Variants in BGN observed in about 807,000 individuals in gnomAD.
The protein encoded by BGN is bone/cartilage proteoglycan-I.
BGN carries 6 observed loss-of-function variants against 20.0 expected under a neutral mutation model. The ratio of observed to expected loss-of-function variants is 0.30; its 90% CI spans 0.16 to 0.59. The LOEUF is 0.59. BGN is among the 20% of genes least tolerant of loss of function. The probability of loss-of-function intolerance (pLI) is 0.88; values close to 1 mark genes in which losing one functional copy is unlikely to be tolerated. For missense variants in BGN, 292 were observed against 312.1 expected, an observed-to-expected ratio of 0.94 and a Z score of 0.49; for synonymous variants, 146 against 134.6, an observed-to-expected ratio of 1.08 and a Z score of -0.59.
In BGN at chrX:153,509,064, TGTGTGTGTGTGTG is replaced by T. The variant is rs2089825864; in HGVS notation, c.*620_*632del. On this transcript the variant is annotated 3_prime_UTR_variant, in exon 8 of 8. Transcript: ENST00000331595. ...CTCTCTCTCTCTCTCTCTCTTTCTG[TGTGTGTGTGTGTG>T]TGTGTGTGTGTGTGTGTGTGTGTGT... 7.1e-5 allele frequency: 2 copies of T among 28,253 alleles called. No homozygotes were observed. The highest frequency in any genetic ancestry group is 1.5e-4 in the Non-Finnish European group (2 of 13,597). 2.3% of individuals were successfully genotyped at this position (28,253 alleles called of 1,213,427 possible).
intron 4 of BGN, 108 bp from the exon 5 acceptor site, chrX:153,506,421 G>A (rs1314227669): frequency 1.3e-5 from 9 of 705,292 alleles, no homozygotes; most frequent in South Asian, 5.1e-5. Context: ...TTCAGGAGAC[G>A]GGAGCAGCCG....
chrX:153,508,872 C>T lies in BGN; in HGVS notation c.*427C>T, dbSNP rs1556993946. On this transcript the variant is annotated 3_prime_UTR_variant, in exon 8 of 8. Coordinates refer to ENST00000331595, the MANE Select transcript of BGN (RefSeq NM_001711.6). ...CCGCACCTGTCCAGACACACATGTTCTGTTCCTCCTCCTCATGCATTTCCA... is the reference window on the plus strand; with the variant it reads ...CCGCACCTGTCCAGACACACATGTTTTGTTCCTCCTCCTCATGCATTTCCA... 5.7e-6 allele frequency: 1 copy of T among 176,405 alleles called. No homozygotes were observed. The highest frequency in any genetic ancestry group is 3.1e-5 in the African/African-American group (1 of 32,129). The allele number at this position is 176,405 out of a possible 1,213,427, so 14.5% of individuals were successfully genotyped here. A position where few individuals can be genotyped will look rare whatever the true frequency, so the allele number is the denominator to read the frequency against.
intron 1 of BGN, among the ~76,000 whole-genome samples, chrX:153,501,803 G>A (rs1290627112): frequency 8.9e-6 from 1 of 112,447 alleles, no homozygotes; most frequent in East Asian, 2.8e-4. Flanking sequence ...TCTGTCACGG[G>A]GCCCGGGTGT....
chrX:153,495,814 C>G (rs2089709374), intron 1 of BGN, among the ~76,000 whole-genome samples: 2 of 113,243 alleles, frequency 1.8e-5, no homozygotes, highest in South Asian at 7.2e-4. Flanking sequence ...GCTGCAAGGG[C>G]CCTGACTGGG....
At chrX:153,500,088 C>T (rs1339647620) in intron 1 of BGN, among the ~76,000 whole-genome samples, 4 of 113,307 alleles carry the variant, frequency 3.5e-5, no homozygotes, top group Non-Finnish European at 5.6e-5. Flanking sequence ...GCCCTGCTCC[C>T]GCCGCCCTTG....
Position 153,506,597 on chromosome X carries a change from T to C in BGN, c.634T>C (p.Tyr212His). Residue 212 changes from tyrosine to histidine, a missense_variant, in exon 5 of 8, where the codon TAC becomes CAC. Tyr to His is a moderately conservative substitution (Grantham distance 83, BLOSUM62 2). Transcript: ENST00000331595. ...PGAFDGLKLN[Y>H]LRISEAKLTG... is the part of the protein sequence containing the mutation. ...AGCCTTCGATGGCCTGAAGCTCAAC[T>C]ACCTGCGCATCTCAGAGGCCAAGCT... is the stretch of plus-strand genomic sequence containing the variant. 1 of 1,211,252 alleles carries C rather than the reference T, an allele frequency of 8.3e-7. No individual in the cohort carries two copies. The highest frequency in any genetic ancestry group is 1.1e-6 in the Non-Finnish European group (1 of 895,344).
rs1556993033 is a variant in BGN at position 153,505,990 on chromosome X, C to G, written c.479C>G (p.Ser160Cys). Reference sequence around the variant, plus strand: ...GAGATCCCGCCCAACCTACCCAGCTCCCTGGTGGAGCTCCGCATCCACGAC... The same window carrying G: ...GAGATCCCGCCCAACCTACCCAGCTGCCTGGTGGAGCTCCGCATCCACGAC... ...LVEIPPNLPS[S>C]LVELRIHDNR... Residue 160 changes from serine to cysteine, a missense_variant, in exon 4 of 8, where the codon TCC (serine) becomes TGC (cysteine). By Grantham distance (112) the Ser-to-Cys change is moderately radical (BLOSUM62 -1). Coordinates refer to ENST00000331595, the MANE Select transcript of BGN (RefSeq NM_001711.6). The G allele has an allele frequency of 8.3e-7, 1 of 1,211,815 alleles. No homozygotes were observed. The highest frequency in any genetic ancestry group is 2.2e-5 in the Admixed American group (1 of 46,092).
intron 2 of BGN, 126 bp from the exon 3 acceptor site, chrX:153,505,112 G>A (rs1394014735): frequency 5.0e-6 from 3 of 602,454 alleles, no homozygotes; most frequent in South Asian, 2.8e-5. Flanking sequence ...GGGGCTAGTC[G>A]GCTGGATGGC....
Position 153,499,687 on chromosome X carries a change from G to A in BGN, c.-12+4574G>A, listed in dbSNP as rs782493687. Among the ~76,000 whole-genome samples the A allele has an allele frequency of 1.5e-3, 170 of 113,327 alleles. 1 individual carries two copies. The highest frequency in any genetic ancestry group is 2.8e-3 in the Non-Finnish European group (149 of 53,346). ...CTCCCACAGATGAACGCACACGCCG[G>A]GCTTTGGCAAGGCCAGGGAGGGTAC... is the stretch of plus-strand genomic sequence containing the variant. On this transcript the variant is annotated intron_variant, in intron 1 of 7. Transcript: ENST00000331595.
intron 1 of BGN, among the ~76,000 whole-genome samples, chrX:153,498,136 C>T (rs1303025168): frequency 8.9e-6 from 1 of 112,829 alleles, no homozygotes. Flanking sequence ...CTCTAGCCAG[C>T]CTTCTTGCAT....
intron 1 of BGN, among the ~76,000 whole-genome samples, chrX:153,500,358 G>T (rs1210127074): frequency 8.9e-6 from 1 of 112,038 alleles, no homozygotes; most frequent in Non-Finnish European, 1.9e-5. Flanking sequence ...TATCCAGGGA[G>T]CTCAGGGCAC....
intron 1 of BGN, among the ~76,000 whole-genome samples, chrX:153,499,975 A>ACGCCCAGGGCTGAGGCAGT (rs1390731297): frequency 4.4e-5 from 5 of 113,333 alleles, no homozygotes; most frequent in Non-Finnish European, 9.4e-5. Flanking sequence ...AGGGGGGCAG[A>ACGCCCAGGGCTGAGGCAGT]CGCCCAGGGC....
chrX:153,495,877 C>T (rs2089709873), intron 1 of BGN, among the ~76,000 whole-genome samples: 1 of 112,756 alleles, frequency 8.9e-6, no homozygotes, highest in Non-Finnish European at 1.9e-5. Flanking sequence ...TGGACTGGGA[C>T]TCAGAATGGG....
intron 1 of BGN, among the ~76,000 whole-genome samples, chrX:153,500,864 T>C (rs2089753961): frequency 8.9e-6 from 1 of 111,735 alleles, no homozygotes; most frequent in South Asian, 3.7e-4. Context: ...CATGTGCATG[T>C]ATGTGTATAG....
Position 153,507,044 on chromosome X carries a change from C to G in BGN, c.771-3C>G. 8.3e-7 allele frequency: 1 copy of G among 1,210,305 alleles called. No homozygotes were observed. The highest frequency in any genetic ancestry group is 1.1e-6 in the Non-Finnish European group (1 of 894,269). ...TGAGTCCGTGTCATTCTCCCGCTCA[C>G]AGGCTGGGCCTAGGCCACAACCAGA... On this transcript the variant is annotated splice_polypyrimidine_tract_variant and splice_region_variant and intron_variant, in intron 6 of 7. Transcript: ENST00000331595.
intron 1 of BGN, among the ~76,000 whole-genome samples, chrX:153,503,864 C>T (rs1399636400): frequency 3.9e-4 from 30 of 76,898 alleles, no homozygotes; most frequent in African/African-American, 1.3e-3. Context: ...TGGGCCAAGG[C>T]GGTGTGGGCG....
At chrX:153,504,479 C>G in intron 1 of BGN, 142 bp from the exon 2 acceptor site, 1 of 512,573 alleles carries the variant, frequency 2.0e-6, no homozygotes, top group Admixed American at 3.8e-5. Flanking sequence ...ACACTCCGCC[C>G]TCTCCGCCTC....
intron 1 of BGN, among the ~76,000 whole-genome samples, chrX:153,499,112 C>T (rs59648736): frequency 0.014 from 1,534 of 112,684 alleles, 24 homozygotes; most frequent in African/African-American, 0.047. Context: ...TCAGTTTACC[C>T]CTTCATCAAG....
In BGN at chrX:153,504,720, A is replaced by G. The variant is rs1602981472; in HGVS notation, c.89A>G (p.Asp30Gly). Reference protein sequence around the residue: ...EQRGFWDFTLDDGPFMMNDEE... With the variant: ...EQRGFWDFTLGDGPFMMNDEE... ...AGAGGCTTCTGGGACTTCACCCTGG[A>G]CGATGGGCCATTCATGATGAACGAT... The change falls in exon 2 of 8, where the codon GAC becomes GGC. Residue 30 changes from aspartate to glycine, a missense_variant. Transcript: ENST00000331595. The G allele has an allele frequency of 8.3e-7, 1 of 1,211,732 alleles. No individual in the cohort carries two copies. Among genetic ancestry groups the G allele is most frequent in the South Asian group, 1.8e-5 (1 of 57,000 alleles).
Sources: gnomAD v4.1 joint callset for allele counts (sites outside exome capture counted in the v4.1 genomes callset) on GRCh38, gnomAD v4.1.1 for gene constraint, MANE v1.5 for transcripts, NCBI Gene and HGNC (gene_info 2026-07-23, HGNC 2026-07-21) for gene names.